The following ART3 variants were observed in gnomAD, a reference collection of about 807,000 sequenced individuals.
ART3 encodes the protein ecto-ADP-ribosyltransferase 3.
A neutral mutation model predicts 48.5 loss-of-function variants in ART3; 49 were observed. The observed-to-expected ratio is 1.01, with a 90% CI of 0.80 to 1.28. The LOEUF is 1.28. ART3 is among the 50% of genes most tolerant of loss of function. ART3 has a pLI of 0.00. For missense variants in ART3, 438 were observed against 454.3 expected, an observed-to-expected ratio of 0.96 and a Z score of 0.33; for synonymous variants, 145 against 157.2, an observed-to-expected ratio of 0.92 and a Z score of 0.58.
chr4:76,038,813 C>T (rs1734681469), intron 1 of ART3, among the ~76,000 whole-genome samples: 2 of 152,030 alleles, frequency 1.3e-5, no homozygotes, highest in East Asian at 1.9e-4. Flanking sequence ...GCCTCTGCCT[C>T]CTGGATTCAA....
At chr4:76,040,220 A>G (rs6828596) in intron 1 of ART3, among the ~76,000 whole-genome samples, 92,867 of 151,894 alleles carry the variant, frequency 0.61, 29,466 homozygotes, top group East Asian at 0.94. Context: ...AGCTACTTGC[A>G]AGGTTGAGGC....
At position 76,082,402 on chromosome 4, in the gene ART3, T is replaced by A; in HGVS notation, c.648T>A (p.Asp216Glu). The change falls in exon 3 of 12, where the codon GAT (aspartate) becomes GAA (glutamate). Residue 216 changes from aspartate to glutamate, a missense_variant. By Grantham distance (45) the Asp-to-Glu change is conservative (BLOSUM62 2). Around this residue, in one of 3 missense-constraint regions of ART3, gnomAD observed 227 missense variants for 229.6 expected, o/e 0.99. Coordinates refer to ENST00000355810, the MANE Select transcript of ART3 (RefSeq NM_001130016.3). Reference protein sequence around the residue: ...CLGVDIENFLDKESERITLIP... With the variant: ...CLGVDIENFLEKESERITLIP... The stretch of plus-strand genomic sequence containing the variant: ...GAGTTGACATTGAAAATTTTCTTGA[T>A]AAAGAAAGTGAAAGAATTACTTTAA... 1 of 1,614,108 alleles carries A rather than the reference T, an allele frequency of 6.2e-7. No individual in the cohort carries two copies. Among genetic ancestry groups the A allele is most frequent in the Non-Finnish European group, 8.5e-7 (1 of 1,180,032 alleles).
At chr4:76,023,341 A>G (rs751375839) in intron 1 of ART3, 142 of 1,559,494 alleles carry the variant, frequency 9.1e-5, no homozygotes, top group Non-Finnish European at 1.1e-4. Context: ...TTCTCATTTT[A>G]CAAATTAAGT....
intron 1 of ART3, among the ~76,000 whole-genome samples, chr4:76,050,177 C>T (rs56125739): frequency 0.011 from 1,729 of 152,118 alleles, 38 homozygotes; most frequent in African/African-American, 0.039. Context: ...AAAGCTTCCA[C>T]AGTGTGGAAG....
intron 5 of ART3, among the ~76,000 whole-genome samples, chr4:76,099,779 AGTTCCTTATCATGT>A: frequency 6.6e-6 from 1 of 152,346 alleles, no homozygotes; most frequent in East Asian, 1.9e-4. Context: ...TTTGCACATA[AGTTCCTTATCATGT>A]GTTTGGCTCA....
chr4:76,050,270 G>A (rs1029018365), intron 1 of ART3, among the ~76,000 whole-genome samples: 18 of 152,074 alleles, frequency 1.2e-4, no homozygotes, highest in Admixed American at 2.6e-4. Context: ...CTGCTAATTG[G>A]TAGAGCTGAG....
At chr4:76,095,481 CTGGG>C (rs1725800061) in intron 3 of ART3, among the ~76,000 whole-genome samples, 1 of 152,106 alleles carries the variant, frequency 6.6e-6, no homozygotes, top group African/African-American at 2.4e-5. Context: ...GCACTCCAGC[CTGGG>C]TGACAGAGCG....
intron 3 of ART3, among the ~76,000 whole-genome samples, chr4:76,086,400 T>A (rs192347148): frequency 6.6e-6 from 1 of 152,298 alleles, no homozygotes; most frequent in East Asian, 1.9e-4. Flanking sequence ...ATGATCTCAG[T>A]TATATGTGGA....
rs372692015 is a variant in ART3 at position 76,035,072 on chromosome 4, G to A, written c.-10+23752G>A. ...TTTGATTATAAGCCTTGCTTGCTTC[G>A]ATTTGGGATTTAGGCATCGTTGTCC... On this transcript the variant is annotated intron_variant, in intron 1 of 9. Transcript: ENST00000341029. 4.3e-6 allele frequency: 7 copies of A among 1,613,668 alleles called. No homozygotes were observed. In the South Asian group the frequency reaches 5.5e-5, roughly 13 times the overall value.
intron 1 of ART3, among the ~76,000 whole-genome samples, chr4:76,067,314 T>G (rs1719837674): frequency 1.3e-5 from 2 of 152,184 alleles, no homozygotes; most frequent in African/African-American, 4.8e-5. Context: ...ATGATCTTCT[T>G]TAAGAAGATG....
intron 5 of ART3, 189 bp downstream of exon 5, chr4:76,099,176 C>A: frequency 1.8e-6 from 1 of 545,426 alleles, no homozygotes; most frequent in Non-Finnish European, 3.3e-6. Flanking sequence ...GTGGTGTGCA[C>A]CTGTAGTCCC....
At chr4:76,071,531 C>G (rs1720318769), upstream of ART3, among the ~76,000 whole-genome samples, 1 of 152,158 alleles carries the variant, frequency 6.6e-6, no homozygotes, top group Admixed American at 6.5e-5. Flanking sequence ...TTCATTCTTT[C>G]TTAGGCCATT....
At chr4:76,098,532 C>T (rs1726532956) in intron 4 of ART3, among the ~76,000 whole-genome samples, 5 of 151,922 alleles carry the variant, frequency 3.3e-5, no homozygotes, top group South Asian at 4.2e-4. Context: ...GAGGCTGAGG[C>T]GGGTGGATTG....
chr4:76,046,918 G>A lies in ART3; in HGVS notation c.-9-28963G>A, dbSNP rs376770380. 2.6e-4 allele frequency among the ~76,000 whole-genome samples: 40 copies of A among 151,986 alleles called. 2 individuals carry two copies. The South Asian group carries it at 3.3e-3, about 13-fold the overall frequency. On this transcript the variant is annotated intron_variant, in intron 1 of 9. Coordinates refer to the ART3 transcript ENST00000341029. ...AGGAGATTAACCCTGAGAAGGCCGC[G>A]CCAGTGTCCAGGAGGAAGGCAATTT...
intron 3 of ART3, among the ~76,000 whole-genome samples, chr4:76,086,149 T>C (rs1365851451): frequency 6.8e-6 from 1 of 146,560 alleles, no homozygotes; most frequent in Admixed American, 7.0e-5. Context: ...AGAGTTGAAA[T>C]CACCGCCTCA....
chr4:76,084,048 T>G (rs116222114), intron 3 of ART3, among the ~76,000 whole-genome samples: 1,912 of 152,264 alleles, frequency 0.013, 41 homozygotes, highest in East Asian at 0.059. Flanking sequence ...TCTATGATTT[T>G]TTTGTTTGTT....
chr4:76,106,689 G>A (rs868144244), intron 10 of ART3, among the ~76,000 whole-genome samples: 58 of 152,100 alleles, frequency 3.8e-4, no homozygotes, highest in African/African-American at 1.3e-3. Context: ...TGTTTTACTG[G>A]GGCCCACTGT....
intron 1 of ART3, among the ~76,000 whole-genome samples, chr4:76,075,679 C>T (rs1036498608): frequency 7.2e-5 from 11 of 152,028 alleles, no homozygotes; most frequent in African/African-American, 1.7e-4. Context: ...TTTGTTTCCT[C>T]GTCTGTAGAA....
intron 5 of ART3, chr4:76,099,513 G>A (rs185765555): frequency 7.8e-5 from 13 of 165,944 alleles, no homozygotes; most frequent in Non-Finnish European, 3.9e-5. Context: ...GAAATTTTCC[G>A]GGGAATACGG....
Sources: allele counts gnomAD v4.1 joint callset (sites outside exome capture counted in the v4.1 genomes callset), GRCh38; gene constraint gnomAD v4.1.1; regional missense constraint gnomAD v4.1.1; transcripts MANE v1.5; gene names NCBI Gene and HGNC (gene_info 2026-07-23, HGNC 2026-07-21).